The following BIRC6 variants were observed in gnomAD, a reference collection of about 807,000 sequenced individuals.
The protein encoded by BIRC6 is dual E2 ubiquitin-conjugating enzyme/E3 ubiquitin-protein ligase BIRC6.
A neutral mutation model predicts 503.3 loss-of-function variants in BIRC6; 98 were observed. The observed-to-expected ratio is 0.19, with a 90% CI of 0.17 to 0.23. The LOEUF (loss-of-function observed/expected upper bound fraction) is 0.23, where lower values mean the gene tolerates loss of function less well. Ranked by LOEUF, BIRC6 falls within the 10% of genes least tolerant of loss-of-function variation. The probability of loss-of-function intolerance (pLI) is 1.00; values close to 1 mark genes in which losing one functional copy is unlikely to be tolerated. For missense variants in BIRC6, 5,360 were observed against 5,806.0 expected, an observed-to-expected ratio of 0.92 and a Z score of 2.50; for synonymous variants, 2,240 against 2,078.7, an observed-to-expected ratio of 1.08 and a Z score of -2.11.
chr2:32,589,773 A>G (rs2061292114), intron 66 of BIRC6, among the ~76,000 whole-genome samples: 1 of 152,118 alleles, frequency 6.6e-6, no homozygotes, highest in Non-Finnish European at 1.5e-5. Flanking sequence ...ATTTGTGGCA[A>G]CTCTATTTAA....
intron 31 of BIRC6, 126 bp from the exon 32 acceptor site, chr2:32,470,888 T>C (rs2049027888): frequency 1.1e-6 from 1 of 918,432 alleles, no homozygotes; most frequent in African/African-American, 1.7e-5. Context: ...CATATAAATA[T>C]TAGTGTTAGT....
intron 33 of BIRC6, 118 bp downstream of exon 33, chr2:32,473,357 A>G (rs1238098030): frequency 1.3e-6 from 1 of 779,426 alleles, no homozygotes; most frequent in Non-Finnish European, 2.0e-6. Context: ...TAGCTTAGGA[A>G]AATCATCTAA....
chr2:32,503,113 G>A lies in BIRC6; in HGVS notation c.9376G>A (p.Val3126Ile). Residue 3126 changes from valine to isoleucine, a missense_variant, in exon 49 of 74, where the codon GTA (valine) becomes ATA (isoleucine). Physicochemically the swap from Val to Ile is conservative, Grantham distance 29. Around this residue, in one of 16 missense-constraint regions of BIRC6, gnomAD observed 267 missense variants for 287.6 expected, o/e 0.93. Coordinates refer to ENST00000421745, the MANE Select transcript of BIRC6 (RefSeq NM_016252.4). Reference sequence around the variant, plus strand: ...TATTGTGAACACTGCAAGAAGTATGGTATCAACTATTATGAAATTTCTTGA... The same window carrying A: ...TATTGTGAACACTGCAAGAAGTATGATATCAACTATTATGAAATTTCTTGA... ...RAIVNTARSMVSTIMKFLDSG... is the reference protein window; with the variant it reads ...RAIVNTARSMISTIMKFLDSG... 1.2e-6 allele frequency: 2 copies of A among 1,611,342 alleles called. No individual in the cohort carries two copies. The highest frequency in any genetic ancestry group is 1.7e-6 in the Non-Finnish European group (2 of 1,178,596).
rs560251664 is a variant in BIRC6 at position 32,480,621 on chromosome 2, C to CTTTTTTTTTTTTTTTTT, written c.7409-678_7409-662dup. 3.3e-4 allele frequency among the ~76,000 whole-genome samples: 20 copies of CTTTTTTTTTTTTTTTTT among 60,742 alleles called. 1 individual carries two copies. Among genetic ancestry groups the CTTTTTTTTTTTTTTTTT allele is most frequent in the East Asian group, 1.2e-3 (1 of 816 alleles). 39.8% of individuals were successfully genotyped at this position (60,742 alleles called of 152,430 possible). On this transcript the variant is annotated intron_variant, in intron 37 of 73. Transcript: ENST00000421745. ...CATAACAGAAAAATAAGGTAAATGGCTTTTTTTTTTTTTTTTTTTTTTTTT... is the reference window on the plus strand; with the variant it reads ...CATAACAGAAAAATAAGGTAAATGGCTTTTTTTTTTTTTTTTTTTTTTTTTTTTTTTTTTTTTTTTTT...
chr2:32,377,823 A>G (rs1244309126), intron 2 of BIRC6, 54 bp downstream of exon 2: 3 of 1,410,214 alleles, frequency 2.1e-6, no homozygotes, highest in South Asian at 3.0e-5. Flanking sequence ...TCTTAGACAT[A>G]TTAGATGTTA....
At chr2:32,538,436 A>G (rs2057406079) in intron 61 of BIRC6, among the ~76,000 whole-genome samples, 1 of 152,226 alleles carries the variant, frequency 6.6e-6, no homozygotes, top group African/African-American at 2.4e-5. Context: ...CAAATGGCCC[A>G]TACATTAGGA....
Position 32,510,012 on chromosome 2 carries a change from T to C in BIRC6, c.10237+18T>C. The C allele has an allele frequency of 9.9e-6, 16 of 1,610,962 alleles. No homozygotes were observed. The highest frequency in any genetic ancestry group is 1.4e-5 in the Non-Finnish European group (16 of 1,179,070). On this transcript the variant is annotated intron_variant, in intron 52 of 73. Transcript: ENST00000421745. ...TCCTACAGGTGATAATTAACTTTGA[T>C]ATTTAAATGTTTACATATCTGTAAA...
chr2:32,423,390 C>A (rs1027225368), intron 10 of BIRC6, among the ~76,000 whole-genome samples: 2 of 152,088 alleles, frequency 1.3e-5, no homozygotes, highest in Non-Finnish European at 2.9e-5. Context: ...TGTATAACCA[C>A]CAGTACTGAT....
At chr2:32,610,126 A>G (rs1235804518) in intron 72 of BIRC6, among the ~76,000 whole-genome samples, 3 of 152,152 alleles carry the variant, frequency 2.0e-5, no homozygotes, top group African/African-American at 7.2e-5. Flanking sequence ...TTCAAACCCA[A>G]TAACTATTAA....
intron 23 of BIRC6, among the ~76,000 whole-genome samples, chr2:32,454,325 T>C (rs1336643444): frequency 6.6e-6 from 1 of 152,214 alleles, no homozygotes; most frequent in African/African-American, 2.4e-5. Context: ...ATACTGTTTC[T>C]CGAACTAGTT....
chr2:32,424,212 T>G, intron 10 of BIRC6, among the ~76,000 whole-genome samples: 1 of 152,104 alleles, frequency 6.6e-6, no homozygotes, highest in Non-Finnish European at 1.5e-5. Context: ...GCCTAATTTA[T>G]AAATTAAATT....
In BIRC6 at chr2:32,453,831, A is replaced by G; in HGVS notation, c.4642A>G (p.Thr1548Ala). 1 of 1,613,734 alleles carries G rather than the reference A, an allele frequency of 6.2e-7. No homozygotes were observed. ...AGGAAATGGAAAGGTCAGTAGTTGC[A>G]CAGCTGCTGAGGGTAGTTTCACATC... Reference protein sequence around the residue: ...LSGNGKVSSCTAAEGSFTSLT... With the variant: ...LSGNGKVSSCAAAEGSFTSLT... The change falls in exon 23 of 74, where the codon ACA (threonine) becomes GCA (alanine). Residue 1548 changes from threonine to alanine, a missense_variant. Thr to Ala is a moderately conservative substitution (Grantham distance 58). Around this residue, in one of 16 missense-constraint regions of BIRC6, gnomAD observed 2,299 missense variants for 2,267.2 expected, o/e 1.01. Transcript: ENST00000421745.
chr2:32,366,160 C>A (rs1175684510), intron 1 of BIRC6, among the ~76,000 whole-genome samples: 1 of 152,214 alleles, frequency 6.6e-6, no homozygotes, highest in Non-Finnish European at 1.5e-5. Flanking sequence ...CATGAGCCAC[C>A]ATGCCCAGCC....
intron 66 of BIRC6, among the ~76,000 whole-genome samples, chr2:32,580,409 A>G (rs1195223941): frequency 1.3e-5 from 2 of 152,188 alleles, no homozygotes; most frequent in African/African-American, 2.4e-5. Context: ...TGGTGTCCCA[A>G]GGGTATGAAA....
chr2:32,502,246 T>C (rs1572656846), intron 47 of BIRC6, among the ~76,000 whole-genome samples: 1 of 152,144 alleles, frequency 6.6e-6, no homozygotes, highest in African/African-American at 2.4e-5. Flanking sequence ...CTTTTGAAAT[T>C]TATGTTGTGT....
At chr2:32,454,091 T>C in intron 23 of BIRC6, 149 bp downstream of exon 23, 4 of 676,010 alleles carry the variant, frequency 5.9e-6, no homozygotes, top group Non-Finnish European at 9.1e-6. Flanking sequence ...GGGGGAAATA[T>C]AAATCGTTTT....
At chr2:32,609,997 T>C (rs2062751642) in intron 72 of BIRC6, among the ~76,000 whole-genome samples, 1 of 152,178 alleles carries the variant, frequency 6.6e-6, no homozygotes, top group Non-Finnish European at 1.5e-5. Flanking sequence ...CTTTTTGCTT[T>C]TGTTTATTGT....
intron 23 of BIRC6, among the ~76,000 whole-genome samples, chr2:32,456,815 T>C (rs2047313145): frequency 6.6e-6 from 1 of 152,238 alleles, no homozygotes; most frequent in Admixed American, 6.5e-5. Flanking sequence ...GCCAGTATGT[T>C]AAAAAATGGT....
intron 72 of BIRC6, among the ~76,000 whole-genome samples, chr2:32,608,038 C>A (rs1357381824): frequency 1.2e-4 from 17 of 145,886 alleles, no homozygotes; most frequent in Non-Finnish European, 2.5e-4. Flanking sequence ...TTCTATTTGC[C>A]TTTATATGTA....
Sources: gnomAD v4.1 joint callset for allele counts (sites outside exome capture counted in the v4.1 genomes callset) on GRCh38, gnomAD v4.1.1 for gene constraint, gnomAD v4.1.1 regional missense constraint, MANE v1.5 for transcripts, NCBI Gene and HGNC (gene_info 2026-07-23, HGNC 2026-07-21) for gene names.